Variants in SIPA1L2 observed in about 807,000 individuals in gnomAD.
SIPA1L2 encodes the protein signal-induced proliferation-associated 1-like protein 2.
Under a neutral mutation model 163.9 loss-of-function variants are expected in SIPA1L2, and 56 were observed. The observed-to-expected ratio is 0.34, with a 90% CI of 0.28 to 0.43. SIPA1L2 has a LOEUF of 0.43. Ranked by LOEUF, SIPA1L2 falls within the 20% of genes least tolerant of loss-of-function variation. The pLI is 1.00. For synonymous variants in SIPA1L2, 877 were observed against 865.7 expected, an observed-to-expected ratio of 1.01 and a Z score of -0.23; for missense variants, 1,974 against 2,193.5, an observed-to-expected ratio of 0.90 and a Z score of 2.00.
chr1:232,531,331 C>T (rs1656922971), intron 2 of SIPA1L2, among the ~76,000 whole-genome samples: 1 of 152,094 alleles, frequency 6.6e-6, no homozygotes, highest in East Asian at 1.9e-4. Context: ...ATTGGAGTTC[C>T]CTCCCTGCAA....
At chr1:232,595,362 G>A (rs1238055404) in intron 1 of SIPA1L2, among the ~76,000 whole-genome samples, 1 of 152,154 alleles carries the variant, frequency 6.6e-6, no homozygotes, top group Non-Finnish European at 1.5e-5. Context: ...CCATAAAAGA[G>A]AAAAATGCAA....
chr1:232,441,719 G>T, intron 13 of SIPA1L2, 49 bp downstream of exon 13: 1 of 1,461,346 alleles, frequency 6.8e-7, no homozygotes. Context: ...GGGGCAGAGA[G>T]GGGGAAAGGG....
At chr1:232,557,762 T>C (rs1658796882) in intron 2 of SIPA1L2, among the ~76,000 whole-genome samples, 1 of 152,140 alleles carries the variant, frequency 6.6e-6, no homozygotes, top group Admixed American at 6.5e-5. Context: ...CTGGTCAATG[T>C]GGTATTGTCT....
intron 2 of SIPA1L2, among the ~76,000 whole-genome samples, chr1:232,538,333 A>G (rs948958613): frequency 6.6e-6 from 1 of 152,032 alleles, no homozygotes; most frequent in Non-Finnish European, 1.5e-5. Context: ...CTAACCCTAC[A>G]AACACCCACT....
At chr1:232,530,098 G>C (rs559115202) in intron 2 of SIPA1L2, among the ~76,000 whole-genome samples, 1 of 151,658 alleles carries the variant, frequency 6.6e-6, no homozygotes, top group Non-Finnish European at 1.5e-5. Context: ...TCATCTCTAG[G>C]GGCAGGAAGC....
intron 22 of SIPA1L2, among the ~76,000 whole-genome samples, chr1:232,400,165 A>G (rs953682423): frequency 6.6e-6 from 1 of 152,132 alleles, no homozygotes; most frequent in African/African-American, 2.4e-5. Flanking sequence ...ACTTTGCTGT[A>G]AGGAGCAACT....
rs755959581 is a variant in SIPA1L2 at position 232,469,175 on chromosome 1, C to T, written c.2243+2196G>A. ...TGAATTGGCATTGGTACCGTGGGTC[C>T]GCGTCAGCAAGAATACGCTGCCACT... On this transcript the variant is annotated intron_variant, in intron 8 of 22. Coordinates refer to ENST00000674635, the MANE Select transcript of SIPA1L2 (RefSeq NM_020808.5). Among the ~76,000 whole-genome samples the T allele has an allele frequency of 5.3e-5, 8 of 152,238 alleles. No individual in the cohort carries two copies. The South Asian group carries it at 1.2e-3, about 24-fold the overall frequency.
At chr1:232,525,251 T>TC (rs973888464) in intron 2 of SIPA1L2, among the ~76,000 whole-genome samples, 1 of 147,918 alleles carries the variant, frequency 6.8e-6, no homozygotes, top group Non-Finnish European at 1.5e-5. Flanking sequence ...TTTTTTTTTT[T>TC]TGGAGACGGA....
Position 232,436,715 on chromosome 1 carries a change from C to T in SIPA1L2, c.4031+2393G>A, listed in dbSNP as rs12034145. On this transcript the variant is annotated intron_variant, in intron 15 of 22. Transcript: ENST00000674635. ...GGTCCCTCGTCCTCTAATGAGTCAC[C>T]TGCCTTTCACTCAACACACAGAAAA... Among the ~76,000 whole-genome samples the T allele has an allele frequency of 0.029, 4,357 of 152,300 alleles. 533 individuals carry two copies. The East Asian group carries it at 0.4, about 14-fold the overall frequency.
intron 2 of SIPA1L2, among the ~76,000 whole-genome samples, chr1:232,569,313 T>C (rs1002755738): frequency 2.0e-5 from 3 of 152,234 alleles, no homozygotes; most frequent in Non-Finnish European, 2.9e-5. Context: ...GGCAACTGCA[T>C]GTCCCAGTGG....
At chr1:232,543,692 G>A (rs1657833273) in intron 2 of SIPA1L2, among the ~76,000 whole-genome samples, 1 of 152,068 alleles carries the variant, frequency 6.6e-6, no homozygotes, top group Non-Finnish European at 1.5e-5. Flanking sequence ...AACACAGCAG[G>A]CCCTACCTTT....
chr1:232,453,647 A>G lies in SIPA1L2; in HGVS notation c.3095+7240T>C, dbSNP rs561924176. Among the ~76,000 whole-genome samples, 189 of 152,198 alleles carry G rather than the reference A, an allele frequency of 1.2e-3. 1 individual carries two copies. Among genetic ancestry groups the G allele is most frequent in the African/African-American group, 4.0e-3 (166 of 41,542 alleles). On this transcript the variant is annotated intron_variant, in intron 10 of 22. Transcript: ENST00000674635. Reference sequence around the variant, plus strand: ...TCTCCATTTTTTCAGAAGAAGGGCTAGAGAGGTTGGAAAGATGATACAGCT... The same window carrying G: ...TCTCCATTTTTTCAGAAGAAGGGCTGGAGAGGTTGGAAAGATGATACAGCT...
chr1:232,455,813 G>A (rs1297760349), intron 10 of SIPA1L2, among the ~76,000 whole-genome samples: 1 of 151,982 alleles, frequency 6.6e-6, no homozygotes, highest in Non-Finnish European at 1.5e-5. Flanking sequence ...CACAGGTGGA[G>A]CTGGAGGCCA....
At chr1:232,561,480 G>A (rs1659032657) in intron 2 of SIPA1L2, 1 of 152,038 alleles carries the variant, frequency 6.6e-6, no homozygotes, top group African/African-American at 2.4e-5. Flanking sequence ...TTTTGGGTTG[G>A]AGCTGGATAC....
At chr1:232,508,673 A>G (rs974655562) in intron 3 of SIPA1L2, among the ~76,000 whole-genome samples, 2 of 152,238 alleles carry the variant, frequency 1.3e-5, no homozygotes, top group Admixed American at 6.5e-5. Flanking sequence ...CACATTCACA[A>G]TGAGTCCCAT....
chr1:232,614,337 TCAG>T (rs1662397914), intron 1 of SIPA1L2, among the ~76,000 whole-genome samples: 1 of 152,184 alleles, frequency 6.6e-6, no homozygotes, highest in Non-Finnish European at 1.5e-5. Context: ...GCACCATAAA[TCAG>T]CAGGCCAGTT....
Position 232,548,612 on chromosome 1 carries a change from T to G in SIPA1L2, c.-270+25562A>C, listed in dbSNP as rs73097614. ...TTCATTCATTTACTCTTTCAATAAA[T>G]ATATACTAACGCCCCTACCTGAAGG... On this transcript the variant is annotated intron_variant, in intron 2 of 22. Coordinates refer to ENST00000674635, the MANE Select transcript of SIPA1L2 (RefSeq NM_020808.5). 2.0e-5 allele frequency among the ~76,000 whole-genome samples: 3 copies of G among 152,198 alleles called. No homozygotes were observed. In the East Asian group the frequency reaches 5.8e-4, roughly 29 times the overall value.
At chr1:232,581,862 A>G (rs1422279220) in intron 1 of SIPA1L2, among the ~76,000 whole-genome samples, 1 of 152,146 alleles carries the variant, frequency 6.6e-6, no homozygotes, top group Admixed American at 6.5e-5. Context: ...TATTCCCCAC[A>G]AAACTTTCTC....
chr1:232,531,711 G>T lies in SIPA1L2; in HGVS notation c.-269-16103C>A, dbSNP rs1656955697. ...TAGAATGCAACTGAATTTGGGTAGG[G>T]TCTACATAACTTGTTCAAAGCGACT... is the stretch of plus-strand genomic sequence containing the variant. On this transcript the variant is annotated intron_variant, in intron 2 of 22. Coordinates refer to ENST00000674635, the MANE Select transcript of SIPA1L2 (RefSeq NM_020808.5). Among the ~76,000 whole-genome samples the T allele has an allele frequency of 1.3e-5, 2 of 152,140 alleles. 1 individual carries two copies. The highest frequency in any genetic ancestry group is 4.1e-4 in the South Asian group (2 of 4,822).
Sources: allele counts gnomAD v4.1 joint callset (sites outside exome capture counted in the v4.1 genomes callset), GRCh38; gene constraint gnomAD v4.1.1; transcripts MANE v1.5; gene names NCBI Gene and HGNC (gene_info 2026-07-23, HGNC 2026-07-21).